STYK1: variants seen among roughly 807,000 people sequenced by gnomAD.
The protein encoded by STYK1 is STY kinase 1.
Under a neutral mutation model 48.1 loss-of-function variants are expected in STYK1, and 46 were observed. The observed-to-expected ratio is 0.96, with a 90% CI of 0.75 to 1.22. The LOEUF (loss-of-function observed/expected upper bound fraction) is 1.22, where lower values mean the gene tolerates loss of function less well. STYK1 is among the 50% of genes most tolerant of loss of function. The pLI is 0.00. For synonymous variants in STYK1, 188 were observed against 189.0 expected, an observed-to-expected ratio of 0.99 and a Z score of 0.04; for missense variants, 527 against 521.1, an observed-to-expected ratio of 1.01 and a Z score of -0.11.
At chr12:10,643,459 C>A (rs1452669293) in intron 1 of STYK1, among the ~76,000 whole-genome samples, 1 of 152,194 alleles carries the variant, frequency 6.6e-6, no homozygotes, top group Non-Finnish European at 1.5e-5. Context: ...CTGAACTGTC[C>A]ATTCAAGACA....
intron 1 of STYK1, among the ~76,000 whole-genome samples, chr12:10,666,101 T>C (rs1368118039): frequency 6.6e-6 from 1 of 152,184 alleles, no homozygotes; most frequent in Non-Finnish European, 1.5e-5. Flanking sequence ...GAAGTGGTAC[T>C]AAATTTGGGC....
intron 3 of STYK1, 88 bp downstream of exon 3, chr12:10,634,479 C>G (rs1947464377): frequency 1.4e-6 from 2 of 1,416,532 alleles, no homozygotes; most frequent in Admixed American, 1.7e-5. Flanking sequence ...TACTGGAAAT[C>G]AAATCATCCT....
rs1363422146 is a variant in STYK1 at position 10,631,205 on chromosome 12, T to A, written c.291A>T (p.Gly97=). The A allele has an allele frequency of 6.2e-7, 1 of 1,614,138 alleles. No individual in the cohort carries two copies. The highest frequency in any genetic ancestry group is 2.2e-5 in the East Asian group (1 of 44,876). The part of the protein sequence containing the change: ...LKETSVENFL[G]ATTPALAKLQ... ...GCTTAGCCAGGGCAGGTGTGGTAGC[T>A]CCCAGAAAGTTTTCCACGGATGTCT... Residue 97 remains glycine, a synonymous_variant, in exon 5 of 11, where the codon GGA becomes GGT. Coordinates refer to ENST00000075503, the MANE Select transcript of STYK1 (RefSeq NM_018423.3).
intron 1 of STYK1, among the ~76,000 whole-genome samples, chr12:10,638,390 T>G (rs746271825): frequency 6.6e-6 from 1 of 152,104 alleles, no homozygotes; most frequent in Non-Finnish European, 1.5e-5. Context: ...GAAGAAACAG[T>G]GCAATGAAGG....
At chr12:10,623,283 G>A (rs1947318553) in intron 8 of STYK1, among the ~76,000 whole-genome samples, 1 of 152,154 alleles carries the variant, frequency 6.6e-6, no homozygotes, top group Admixed American at 6.5e-5. Flanking sequence ...ATTACCCCCA[G>A]ATGTCTATTG....
chr12:10,621,895 T>C lies in STYK1; in HGVS notation c.1045A>G (p.Ser349Gly). ...ACTTACATGGTATGTGTGCAGCTAC[T>C]GGGTCTCTTCATGATTTTCCTTCTT... ...LQRRKIMKRP[S>G]SCTHTMYSIM... The change falls in exon 10 of 11, where the codon AGT (serine) becomes GGT (glycine). Residue 349 changes from serine to glycine, a missense_variant. Physicochemically the swap from Ser to Gly is moderately conservative, Grantham distance 56 (BLOSUM62 0). Transcript: ENST00000075503. 6.2e-7 allele frequency: 1 copy of C among 1,613,948 alleles called. No individual in the cohort carries two copies. The highest frequency in any genetic ancestry group is 1.7e-4 in the Middle Eastern group (1 of 6,056).
At chr12:10,655,267 G>A (rs1307254125) in intron 1 of STYK1, among the ~76,000 whole-genome samples, 1 of 152,132 alleles carries the variant, frequency 6.6e-6, no homozygotes, top group Non-Finnish European at 1.5e-5. Context: ...ATATCCTTGG[G>A]AGCTTGACCT....
chr12:10,622,594 C>T (rs2120591825), intron 9 of STYK1, 44 bp downstream of exon 9: 2 of 1,610,452 alleles, frequency 1.2e-6, no homozygotes, highest in East Asian at 4.5e-5. Context: ...AACACGCTTG[C>T]ATATTTGCAT....
intron 4 of STYK1, among the ~76,000 whole-genome samples, chr12:10,633,122 T>C (rs767333861): frequency 6.6e-6 from 1 of 152,216 alleles, no homozygotes; most frequent in Non-Finnish European, 1.5e-5. Context: ...GTTTTTTCAG[T>C]ATTTCAAGAA....
Position 10,624,528 on chromosome 12 carries a change from G to T in STYK1, c.926+123C>A. 4.8e-6 allele frequency: 4 copies of T among 832,838 alleles called. No homozygotes were observed. In the South Asian group the frequency reaches 4.9e-5, roughly 10 times the overall value. 51.6% of individuals were successfully genotyped at this position (832,838 alleles called of 1,614,324 possible). On this transcript the variant is annotated intron_variant, in intron 8 of 10. Coordinates refer to ENST00000075503, the MANE Select transcript of STYK1 (RefSeq NM_018423.3). ...TGTCACATAACATTTCTGCTTGAGA[G>T]TATGTCTGATTTCTAAGTAGAGATT...
At chr12:10,653,337 C>A (rs1947683647) in intron 1 of STYK1, among the ~76,000 whole-genome samples, 1 of 152,004 alleles carries the variant, frequency 6.6e-6, no homozygotes, top group South Asian at 2.1e-4. Context: ...CAGGCATGAT[C>A]CACCATGCCT....
chr12:10,671,558 A>G (rs576455798), intron 1 of STYK1, among the ~76,000 whole-genome samples: 1 of 152,348 alleles, frequency 6.6e-6, no homozygotes, highest in East Asian at 1.9e-4. Context: ...GAAGGAGGCA[A>G]GGAAATTGAT....
At chr12:10,659,965 G>A (rs967024204) in intron 1 of STYK1, among the ~76,000 whole-genome samples, 3 of 152,086 alleles carry the variant, frequency 2.0e-5, no homozygotes, top group African/African-American at 7.2e-5. Context: ...GCTTATTCCT[G>A]TAAATCAACC....
chr12:10,644,578 AATAC>A (rs1358040402), intron 1 of STYK1, among the ~76,000 whole-genome samples: 4 of 152,234 alleles, frequency 2.6e-5, no homozygotes, highest in South Asian at 2.1e-4. Context: ...GGTGATAATA[AATAC>A]ATACGAGAAT....
At chr12:10,651,858 A>G (rs1275064270) in intron 1 of STYK1, among the ~76,000 whole-genome samples, 2 of 118,068 alleles carry the variant, frequency 1.7e-5, no homozygotes, top group Non-Finnish European at 3.7e-5. Context: ...TAAATTGTCA[A>G]TTGTTCTATT....
chr12:10,645,895 T>C (rs998428762), intron 1 of STYK1, among the ~76,000 whole-genome samples: 4 of 152,176 alleles, frequency 2.6e-5, no homozygotes, highest in Non-Finnish European at 5.9e-5. Flanking sequence ...CTGATGGCTT[T>C]ATAAGGGGGA....
chr12:10,637,632 C>T (rs955683727), intron 1 of STYK1, among the ~76,000 whole-genome samples: 3 of 152,112 alleles, frequency 2.0e-5, no homozygotes, highest in South Asian at 2.1e-4. Flanking sequence ...TGAGCCACTG[C>T]GCCTGGCCGA....
At position 10,633,732 on chromosome 12, in the gene STYK1, T is replaced by G. The variant is rs75633216; in HGVS notation, c.187+258A>C. 8.6e-3 allele frequency among the ~76,000 whole-genome samples: 1,310 copies of G among 152,262 alleles called. 16 individuals carry two copies. The highest frequency in any genetic ancestry group is 0.03 in the African/African-American group (1,247 of 41,540). ...ACTCATATAGTCAAAGTTTTGATAG[T>G]CCAACAGGAATAGAAACAGGTTATA... On this transcript the variant is annotated intron_variant, in intron 4 of 10. Transcript: ENST00000075503.
Position 10,631,211 on chromosome 12 carries a change from A to G in STYK1, c.285T>C (p.Phe95=), listed in dbSNP as rs1478858099. ...LPLKETSVEN[F]LGATTPALAK... Reference sequence around the variant, plus strand: ...CCAGGGCAGGTGTGGTAGCTCCCAGAAAGTTTTCCACGGATGTCTCCTTAA... The same window carrying G: ...CCAGGGCAGGTGTGGTAGCTCCCAGGAAGTTTTCCACGGATGTCTCCTTAA... The change falls in exon 5 of 11, where the codon TTT becomes TTC. Residue 95 remains phenylalanine, a synonymous_variant. Coordinates refer to ENST00000075503, the MANE Select transcript of STYK1 (RefSeq NM_018423.3). 14 of 1,614,078 alleles carry G rather than the reference A, an allele frequency of 8.7e-6. No homozygotes were observed. The highest frequency in any genetic ancestry group is 1.2e-5 in the Non-Finnish European group (14 of 1,180,046).
Sources: allele counts gnomAD v4.1 joint callset (sites outside exome capture counted in the v4.1 genomes callset), GRCh38; gene constraint gnomAD v4.1.1; transcripts MANE v1.5; gene names NCBI Gene and HGNC (gene_info 2026-07-23, HGNC 2026-07-21).